KLF17: variants seen among roughly 807,000 people sequenced by gnomAD.
KLF17 encodes the protein KLF transcription factor 17.
A neutral mutation model predicts 34.2 loss-of-function variants in KLF17; 31 were observed. The ratio of observed to expected loss-of-function variants is 0.91; its 90% confidence interval spans 0.68 to 1.22. KLF17 has a LOEUF of 1.22. Among genes scored for constraint, KLF17 ranks in the 50% most tolerant of loss-of-function variants. KLF17 has a pLI of 0.00. For missense variants in KLF17, 478 were observed against 505.2 expected, an observed-to-expected ratio of 0.95 and a Z score of 0.52; for synonymous variants, 179 against 186.7, an observed-to-expected ratio of 0.96 and a Z score of 0.34.
Position 44,133,763 on chromosome 1 carries a change from C to T in KLF17, c.*526C>T. The T allele has an allele frequency of 6.6e-6, 1 of 152,320 alleles. No homozygotes were observed. The highest frequency in any genetic ancestry group is 1.9e-4 in the East Asian group (1 of 5,200). 9.4% of individuals were successfully genotyped at this position (152,320 alleles called of 1,614,324 possible). On this transcript the variant is annotated 3_prime_UTR_variant, in exon 4 of 4. Coordinates refer to ENST00000372299, the MANE Select transcript of KLF17 (RefSeq NM_173484.4). ...CCTTGTCCTACTTCACTGCCTTTGT[C>T]TGTGTTACTAGTGGCCCCAGTATAC...
the KLF17 span, among the ~76,000 whole-genome samples, chr1:44,071,685 C>T: frequency 6.6e-6 from 1 of 152,162 alleles, no homozygotes; most frequent in African/African-American, 2.4e-5. Flanking sequence ...TCACAAATGC[C>T]TCCTATTGGG....
the KLF17 span, among the ~76,000 whole-genome samples, chr1:44,099,850 AAAGAAAGAAAG>A: frequency 8.2e-5 from 4 of 49,044 alleles, no homozygotes; most frequent in African/African-American, 3.2e-4. Context: ...AGAAAGAAAG[AAAGAAAGAAAG>A]AAAGAAAGAA....
chr1:44,078,843 C>G, the KLF17 span, among the ~76,000 whole-genome samples: 1 of 152,086 alleles, frequency 6.6e-6, no homozygotes, highest in Admixed American at 6.6e-5. Context: ...CCCAGTGGAC[C>G]GTTTCCTTCC....
intron 3 of KLF17, among the ~76,000 whole-genome samples, chr1:44,131,838 G>A (rs1465950910): frequency 1.3e-5 from 2 of 152,114 alleles, no homozygotes; most frequent in African/African-American, 4.8e-5. Flanking sequence ...GGGATTACAG[G>A]CAAGCACCAC....
the KLF17 span, among the ~76,000 whole-genome samples, chr1:44,081,402 AT>A: frequency 6.7e-6 from 1 of 149,426 alleles, no homozygotes; most frequent in Non-Finnish European, 1.5e-5. Context: ...TAGTATTGGC[AT>A]TTTCCCCATG....
the KLF17 span, among the ~76,000 whole-genome samples, chr1:44,062,826 T>C: frequency 3.9e-5 from 6 of 152,190 alleles, no homozygotes; most frequent in Admixed American, 2.6e-4. Context: ...TGGAAAACTT[T>C]GGCAGTGTTT....
upstream of KLF17, chr1:44,114,620 G>A (rs1248317033): frequency 6.6e-6 from 1 of 152,232 alleles, no homozygotes; most frequent in Non-Finnish European, 1.5e-5. Context: ...AAGAAGACTT[G>A]GGGCCCCTTG....
the KLF17 span, among the ~76,000 whole-genome samples, chr1:44,058,712 C>G: frequency 8.6e-6 from 1 of 115,904 alleles, no homozygotes; most frequent in Admixed American, 1.1e-4. Context: ...TTTCCCGAGA[C>G]GGAGTCTCGC....
At chr1:44,082,221 A>G in the KLF17 span, among the ~76,000 whole-genome samples, 1 of 152,224 alleles carries the variant, frequency 6.6e-6, no homozygotes, top group East Asian at 1.9e-4. Context: ...AATGATCACC[A>G]ACAGTCTAAT....
upstream of KLF17, chr1:44,115,286 C>T (rs1050513643): frequency 6.6e-6 from 1 of 152,096 alleles, no homozygotes; most frequent in African/African-American, 2.4e-5. Context: ...ACTACAAATA[C>T]ACACACACAA....
the KLF17 span, among the ~76,000 whole-genome samples, chr1:44,109,465 G>A: frequency 6.6e-6 from 1 of 152,244 alleles, no homozygotes; most frequent in African/African-American, 2.4e-5. Flanking sequence ...TAATCCTTGG[G>A]CAAGTCAGAC....
At chr1:44,049,393 T>G in the KLF17 span, among the ~76,000 whole-genome samples, 2 of 152,184 alleles carry the variant, frequency 1.3e-5, no homozygotes, top group Non-Finnish European at 1.5e-5. Flanking sequence ...ATCCCAGCCC[T>G]CTGCCCTCCC....
the KLF17 span, among the ~76,000 whole-genome samples, chr1:44,080,866 C>T: frequency 6.6e-6 from 1 of 151,454 alleles, no homozygotes; most frequent in Non-Finnish European, 1.5e-5. Context: ...AGGCATGTGC[C>T]ACCATGCGTG....
At chr1:44,054,486 T>TTC in the KLF17 span, among the ~76,000 whole-genome samples, 1 of 146,042 alleles carries the variant, frequency 6.8e-6, no homozygotes, top group Non-Finnish European at 1.5e-5. Context: ...GCCTTTTTTT[T>TTC]TTTTTTTTTT....
the KLF17 span, among the ~76,000 whole-genome samples, chr1:44,088,710 T>G: frequency 1.3e-5 from 2 of 152,156 alleles, no homozygotes; most frequent in Non-Finnish European, 2.9e-5. Flanking sequence ...ATGTCTGAAC[T>G]TTGGTGGGGG....
At chr1:44,091,635 C>CAAAAAAAAA in the KLF17 span, among the ~76,000 whole-genome samples, 14 of 78,992 alleles carry the variant, frequency 1.8e-4, no homozygotes, top group South Asian at 4.4e-4. Flanking sequence ...GACTCCATCT[C>CAAAAAAAAA]AAAAAAAAAA....
At chr1:44,103,644 A>G in the KLF17 span, 1 of 1,610,376 alleles carries the variant, frequency 6.2e-7, no homozygotes. Context: ...CTTGACGTTC[A>G]TCAGCTCCTA....
upstream of KLF17, among the ~76,000 whole-genome samples, chr1:44,117,818 G>A (rs2154311234): frequency 1.3e-5 from 2 of 152,162 alleles, no homozygotes; most frequent in South Asian, 4.1e-4. Flanking sequence ...ATTTCTAACT[G>A]GTGTCTCTGC....
chr1:44,099,881 G>A, the KLF17 span, among the ~76,000 whole-genome samples: 9 of 57,034 alleles, frequency 1.6e-4, no homozygotes, highest in African/African-American at 4.8e-4. Context: ...AAGAAAGAAA[G>A]AAAGAAAGAA....
Sources: allele counts gnomAD v4.1 joint callset (sites outside exome capture counted in the v4.1 genomes callset), GRCh38; gene constraint gnomAD v4.1.1; transcripts MANE v1.5; gene names NCBI Gene and HGNC (gene_info 2026-07-23, HGNC 2026-07-21).